GRK4: variants seen among roughly 807,000 people sequenced by gnomAD.
GRK4 encodes G protein-coupled receptor kinase 4, also known as G protein-coupled receptor kinase 2-like.
Under a neutral mutation model 77.9 loss-of-function variants are expected in GRK4, and 73 were observed. The observed-to-expected ratio is 0.94, with a 90% CI of 0.78 to 1.14. GRK4 has a LOEUF of 1.14. Ranked by LOEUF, GRK4 falls within the 50% of genes most tolerant of loss-of-function variation. GRK4 has a pLI of 0.00. For synonymous variants in GRK4, 257 were observed against 254.4 expected, an observed-to-expected ratio of 1.01 and a Z score of -0.10; for missense variants, 729 against 700.2, an observed-to-expected ratio of 1.04 and a Z score of -0.46.
Position 3,013,847 on chromosome 4 carries a change from T to G in GRK4, c.741+19T>G, listed in dbSNP as rs984661786. 3.8e-6 allele frequency: 6 copies of G among 1,599,694 alleles called. No individual in the cohort carries two copies. The highest frequency in any genetic ancestry group is 5.1e-6 in the Non-Finnish European group (6 of 1,174,928). On this transcript the variant is annotated intron_variant, in intron 8 of 15. Transcript: ENST00000398052. ...ATTCGTAGTAAGTGTCTCCTCTTAGTCTTCACTGTGCATTGTTTGATTCAT... is the reference window on the plus strand; with the variant it reads ...ATTCGTAGTAAGTGTCTCCTCTTAGGCTTCACTGTGCATTGTTTGATTCAT...
At chr4:3,003,221 G>T (rs764181300) in intron 4 of GRK4, among the ~76,000 whole-genome samples, 1 of 152,010 alleles carries the variant, frequency 6.6e-6, no homozygotes, top group Non-Finnish European at 1.5e-5. Flanking sequence ...ATGGAGTTTC[G>T]CTCTGTCGTC....
intron 8 of GRK4, among the ~76,000 whole-genome samples, chr4:3,015,674 CA>C (rs57839670): frequency 0.06 from 5,500 of 91,508 alleles, 255 homozygotes; most frequent in African/African-American, 0.17. Context: ...GACTCCATCT[CA>C]AAAAAAAAAA....
chr4:3,029,221 G>GAA lies in GRK4; in HGVS notation c.1084_1085dup (p.Tyr363SerfsTer14). On this transcript the variant is annotated frameshift_variant, in exon 12 of 16. Coordinates refer to ENST00000398052, the MANE Select transcript of GRK4 (RefSeq NM_182982.3). LOFTEE classifies it high-confidence loss of function. ...TGTAGCACCTGAAGTTGTCAATAAT[G>GAA]AAAAGTATACGTTTAGTCCCGATTG... The GAA allele has an allele frequency of 6.2e-7, 1 of 1,612,778 alleles. No homozygotes were observed.
intron 5 of GRK4, among the ~76,000 whole-genome samples, chr4:3,007,010 ATG>A (rs1731535754): frequency 6.6e-6 from 1 of 152,100 alleles, no homozygotes; most frequent in Non-Finnish European, 1.5e-5. Context: ...TTTCTTGTAC[ATG>A]TGCACTAAGT....
intron 12 of GRK4, among the ~76,000 whole-genome samples, chr4:3,030,100 C>G (rs1407419200): frequency 3.3e-5 from 5 of 152,178 alleles, no homozygotes; most frequent in Admixed American, 3.3e-4. Context: ...AAGGGTTTAG[C>G]CACCTGCCAG....
chr4:3,020,875 A>C (rs1735890340), intron 9 of GRK4, among the ~76,000 whole-genome samples: 1 of 152,232 alleles, frequency 6.6e-6, no homozygotes, highest in Admixed American at 6.5e-5. Flanking sequence ...TCTTGTCACT[A>C]TTCCCTAAAC....
At chr4:2,988,514 T>C (rs1311832078) in intron 2 of GRK4, among the ~76,000 whole-genome samples, 1 of 152,168 alleles carries the variant, frequency 6.6e-6, no homozygotes, top group East Asian at 1.9e-4. Flanking sequence ...GAGGCTGCAG[T>C]GAGCGGAGAT....
At chr4:3,014,229 C>T (rs527828408) in intron 8 of GRK4, among the ~76,000 whole-genome samples, 1 of 151,548 alleles carries the variant, frequency 6.6e-6, no homozygotes, top group South Asian at 2.1e-4. Flanking sequence ...AGCCTCCAGT[C>T]AATTTCTCTG....
At chr4:3,023,016 T>A (rs1560478827) in intron 10 of GRK4, among the ~76,000 whole-genome samples, 1 of 152,166 alleles carries the variant, frequency 6.6e-6, no homozygotes, top group African/African-American at 2.4e-5. Flanking sequence ...AAACACAAAG[T>A]CAGAACGTTT....
intron 8 of GRK4, among the ~76,000 whole-genome samples, chr4:3,016,737 C>A (rs973836005): frequency 2.0e-5 from 3 of 150,948 alleles, no homozygotes; most frequent in African/African-American, 7.3e-5. Flanking sequence ...TACAAAAAAA[C>A]AAAACAAAAA....
At chr4:2,997,603 C>T (rs1728312881) in intron 4 of GRK4, among the ~76,000 whole-genome samples, 1 of 152,104 alleles carries the variant, frequency 6.6e-6, no homozygotes, top group South Asian at 2.1e-4. Context: ...CCACAGCCAA[C>T]ATCATACTTA....
At chr4:2,998,586 G>T (rs1047215950) in intron 4 of GRK4, among the ~76,000 whole-genome samples, 1 of 150,358 alleles carries the variant, frequency 6.7e-6, no homozygotes, top group Non-Finnish European at 1.5e-5. Flanking sequence ...CAAAAAAAAA[G>T]AAATTAAGAA....
intron 1 of GRK4, 36 bp downstream of exon 1, chr4:2,964,158 A>T: frequency 9.2e-7 from 1 of 1,086,498 alleles, no homozygotes; most frequent in Non-Finnish European, 1.2e-6. Context: ...CCCCCCCCCC[A>T]GAGAACCCCG....
chr4:3,011,405 AC>A (rs1397375663), intron 7 of GRK4, among the ~76,000 whole-genome samples: 2 of 152,164 alleles, frequency 1.3e-5, no homozygotes, highest in Non-Finnish European at 2.9e-5. Flanking sequence ...ACATGGCAAG[AC>A]CCCATCTCTA....
chr4:2,987,132 C>G (rs1724638247), intron 2 of GRK4: 1 of 518,480 alleles, frequency 1.9e-6, no homozygotes, highest in African/African-American at 1.9e-5. Flanking sequence ...CCCGCTACCT[C>G]CAGAGCTAGA....
chr4:2,976,011 A>G (rs1373495982), intron 1 of GRK4, among the ~76,000 whole-genome samples: 1 of 152,182 alleles, frequency 6.6e-6, no homozygotes, highest in African/African-American at 2.4e-5. Context: ...CCAGCATGAT[A>G]AGGAGGTCCC....
intron 12 of GRK4, among the ~76,000 whole-genome samples, chr4:3,030,885 G>A (rs1224129203): frequency 6.6e-6 from 1 of 152,234 alleles, no homozygotes; most frequent in Non-Finnish European, 1.5e-5. Context: ...GTGATGTGAT[G>A]AGACTGGGCT....
intron 1 of GRK4, among the ~76,000 whole-genome samples, chr4:2,982,101 G>C (rs1163170744): frequency 6.6e-6 from 1 of 152,266 alleles, no homozygotes; most frequent in Non-Finnish European, 1.5e-5. Flanking sequence ...GGGCAGGGGG[G>C]CTTCCTGGGC....
intron 10 of GRK4, 97 bp from the exon 11 acceptor site, chr4:3,027,815 G>C: frequency 1.1e-6 from 1 of 910,164 alleles, no homozygotes; most frequent in African/African-American, 1.6e-5. Flanking sequence ...ATTATTTCCA[G>C]CCATGGTTTT....
Sources: allele counts gnomAD v4.1 joint callset (sites outside exome capture counted in the v4.1 genomes callset), GRCh38; gene constraint gnomAD v4.1.1; transcripts MANE v1.5; gene names NCBI Gene and HGNC (gene_info 2026-07-23, HGNC 2026-07-21).